Variants in ARHGAP28 observed in about 807,000 individuals in gnomAD.
The protein encoded by ARHGAP28 is rho GTPase-activating protein 28.
Under a neutral mutation model 90.7 loss-of-function variants are expected in ARHGAP28, and 56 were observed. The observed-to-expected ratio is 0.62, with a 90% CI of 0.50 to 0.77. The LOEUF (loss-of-function observed/expected upper bound fraction) is 0.77, where lower values mean the gene tolerates loss of function less well. Among genes scored for constraint, ARHGAP28 ranks in the 30% least tolerant of loss-of-function variants. The probability of loss-of-function intolerance (pLI) is 0.00; values close to 1 mark genes in which losing one functional copy is unlikely to be tolerated. For missense variants in ARHGAP28, 869 were observed against 900.9 expected (o/e 0.96, Z 0.45); for synonymous variants, 308 against 323.3 (o/e 0.95, Z 0.51).
intron 1 of ARHGAP28, among the ~76,000 whole-genome samples, chr18:6,762,581 G>T (rs2056170473): frequency 6.6e-6 from 1 of 151,978 alleles, no homozygotes; most frequent in Admixed American, 6.6e-5. Flanking sequence ...TTTATATGTT[G>T]AAGTCTAATC....
intron 1 of ARHGAP28, among the ~76,000 whole-genome samples, chr18:6,798,129 T>C (rs2143604635): frequency 6.6e-6 from 1 of 152,280 alleles, no homozygotes; most frequent in African/African-American, 2.4e-5. Flanking sequence ...AATTGGAGAT[T>C]CATATGCAAA....
At chr18:6,757,915 G>GC (rs2056125166) in intron 1 of ARHGAP28, among the ~76,000 whole-genome samples, 1 of 152,140 alleles carries the variant, frequency 6.6e-6, no homozygotes, top group Non-Finnish European at 1.5e-5. Flanking sequence ...AATGAGCTCT[G>GC]CCCTTAGATT....
intron 3 of ARHGAP28, among the ~76,000 whole-genome samples, chr18:6,843,156 C>T (rs1381797742): frequency 6.6e-6 from 1 of 152,060 alleles, no homozygotes; most frequent in African/African-American, 2.4e-5. Flanking sequence ...AGGCGCTCAG[C>T]ATGGGTTGAT....
intron 1 of ARHGAP28, among the ~76,000 whole-genome samples, chr18:6,819,744 G>C (rs1166263945): frequency 6.6e-6 from 1 of 152,166 alleles, no homozygotes; most frequent in Non-Finnish European, 1.5e-5. Flanking sequence ...GTAGTCCCAT[G>C]GTGTTTATCT....
chr18:6,853,474 A>T (rs1165508578), intron 4 of ARHGAP28, among the ~76,000 whole-genome samples: 11 of 146,330 alleles, frequency 7.5e-5, no homozygotes, highest in African/African-American at 1.8e-4. Flanking sequence ...TTGCCAATCA[A>T]TTTTTTTTTT....
chr18:6,821,175 G>A (rs1017726569), intron 1 of ARHGAP28, among the ~76,000 whole-genome samples: 3 of 152,168 alleles, frequency 2.0e-5, no homozygotes, highest in African/African-American at 7.2e-5. Context: ...CTAATTCCAT[G>A]TGAATAGTAA....
intron 1 of ARHGAP28, among the ~76,000 whole-genome samples, chr18:6,813,705 G>A (rs898102375): frequency 6.6e-6 from 1 of 152,126 alleles, no homozygotes; most frequent in South Asian, 2.1e-4. Context: ...GGCAGGAGAC[G>A]GGTGATGGGG....
In ARHGAP28 at chr18:6,870,682, A is replaced by G. The variant is rs750034646; in HGVS notation, c.904A>G (p.Arg302Gly). 1 of 1,612,260 alleles carries G rather than the reference A, an allele frequency of 6.2e-7. No homozygotes were observed. Among genetic ancestry groups the G allele is most frequent in the African/African-American group, 1.3e-5 (1 of 74,902 alleles). Residue 302 changes from arginine to glycine, a missense_variant, in exon 7 of 18, where the codon AGA (arginine) becomes GGA (glycine). Transcript: ENST00000383472. ...AGAAATGGTTACGGAGGCTCTAAAA[A>G]GAAATAAACTTAAGAAATCAGAGAT... ...YSEMVTEALK[R>G]NKLKKSEIKK...
intron 4 of ARHGAP28, 139 bp from the exon 5 acceptor site, chr18:6,859,669 G>T: frequency 1.2e-6 from 1 of 811,960 alleles, no homozygotes. Context: ...ACTACCAGTT[G>T]GATGCAATTG....
chr18:6,805,708 A>G (rs1297115235), intron 1 of ARHGAP28, among the ~76,000 whole-genome samples: 1 of 150,774 alleles, frequency 6.6e-6, no homozygotes, highest in African/African-American at 2.4e-5. Flanking sequence ...CTGGTCTCGA[A>G]CTCCTGACCT....
At chr18:6,873,848 A>G (rs2057109856) in intron 9 of ARHGAP28, 73 bp downstream of exon 9, 3 of 1,269,048 alleles carry the variant, frequency 2.4e-6, no homozygotes, top group African/African-American at 1.5e-5. Context: ...TAAACCCACA[A>G]ATGAATTTTC....
At position 6,841,191 on chromosome 18, in the gene ARHGAP28, CT is replaced by C. The variant is rs1218032621; in HGVS notation, c.543+3778del. Among the ~76,000 whole-genome samples the C allele has an allele frequency of 3.2e-3, 214 of 65,892 alleles. 1 individual carries two copies. The highest frequency in any genetic ancestry group is 5.8e-3 in the Admixed American group (38 of 6,578). The allele number at this position is 65,892 out of a possible 152,430, so 43.2% of individuals were successfully genotyped here. A position where few individuals can be genotyped will look rare whatever the true frequency, so the allele number is the denominator to read the frequency against. On this transcript the variant is annotated intron_variant, in intron 3 of 17. Transcript: ENST00000383472. Reference sequence around the variant, plus strand: ...TCCTCTCTCTCTCTCCTCTCTCTCTCTCTCTCTCTCTCCTCTCCTCTCTCTC... The same window carrying C: ...TCCTCTCTCTCTCTCCTCTCTCTCTCCTCTCTCTCTCCTCTCCTCTCTCTC...
intron 1 of ARHGAP28, among the ~76,000 whole-genome samples, chr18:6,777,073 A>T (rs187427920): frequency 6.6e-6 from 1 of 152,184 alleles, no homozygotes; most frequent in South Asian, 2.1e-4. Context: ...TGTTTTGTCA[A>T]CATGACTCTT....
chr18:6,794,534 T>G (rs1360310071), intron 1 of ARHGAP28, among the ~76,000 whole-genome samples: 6 of 152,342 alleles, frequency 3.9e-5, no homozygotes, highest in East Asian at 1.9e-4. Flanking sequence ...CTCCCTTGAC[T>G]TGTGATTTTA....
At chr18:6,842,958 C>T (rs950219960) in intron 3 of ARHGAP28, among the ~76,000 whole-genome samples, 2 of 151,844 alleles carry the variant, frequency 1.3e-5, no homozygotes, top group Non-Finnish European at 2.9e-5. Context: ...TTAAAAATTC[C>T]ATGTTGATAA....
chr18:6,790,886 A>T (rs2056401728), intron 1 of ARHGAP28: 1 of 152,222 alleles, frequency 6.6e-6, no homozygotes, highest in African/African-American at 2.4e-5. Flanking sequence ...GGAATGAAAG[A>T]ATGAATGGTC....
intron 17 of ARHGAP28, among the ~76,000 whole-genome samples, chr18:6,910,906 G>C (rs1236908910): frequency 1.3e-5 from 2 of 151,076 alleles, no homozygotes; most frequent in Non-Finnish European, 2.9e-5. Flanking sequence ...GTGCAGTGGC[G>C]CGATCTCGGC....
At chr18:6,772,834 G>A (rs1194142645) in intron 1 of ARHGAP28, among the ~76,000 whole-genome samples, 3 of 151,700 alleles carry the variant, frequency 2.0e-5, no homozygotes, top group East Asian at 1.9e-4. Context: ...TCCGCCTCCC[G>A]GGTCCAAGCA....
At chr18:6,861,500 C>T (rs1189389861) in intron 5 of ARHGAP28, among the ~76,000 whole-genome samples, 2 of 152,158 alleles carry the variant, frequency 1.3e-5, no homozygotes, top group African/African-American at 2.4e-5. Flanking sequence ...TTCTAGTTAA[C>T]CTGGAAGCTC....
Sources: allele counts gnomAD v4.1 joint callset (sites outside exome capture counted in the v4.1 genomes callset), GRCh38; gene constraint gnomAD v4.1.1; transcripts MANE v1.5; gene names NCBI Gene and HGNC (gene_info 2026-07-23, HGNC 2026-07-21).